KALRN: variants seen among roughly 807,000 people sequenced by gnomAD.
The protein encoded by KALRN is kalirin.
A neutral mutation model predicts 353.7 loss-of-function variants in KALRN; 70 were observed. The ratio of observed to expected loss-of-function variants is 0.20; its 90% CI spans 0.16 to 0.24. The LOEUF (loss-of-function observed/expected upper bound fraction) is 0.24. Ranked by LOEUF, KALRN falls within the 10% of genes least tolerant of loss-of-function variation. The pLI is 1.00. For missense variants in KALRN, 2,791 were observed against 3,756.7 expected (o/e 0.74, Z 6.72); for synonymous variants, 1,391 against 1,434.8 (o/e 0.97, Z 0.69).
At chr3:124,674,766 C>T in intron 49 of KALRN, 152 bp downstream of exon 49, 1 of 736,540 alleles carries the variant, frequency 1.4e-6, no homozygotes, top group Non-Finnish European at 2.0e-6. Flanking sequence ...AGTGCTGACA[C>T]CATATGCAAC....
chr3:124,106,720 C>T (rs1271078069), intron 1 of KALRN, among the ~76,000 whole-genome samples: 2 of 152,124 alleles, frequency 1.3e-5, no homozygotes, highest in South Asian at 2.1e-4. Flanking sequence ...ATTTTACTCC[C>T]CAAAGTCATA....
chr3:124,375,122 G>A (rs961677837), intron 10 of KALRN, among the ~76,000 whole-genome samples: 1 of 152,132 alleles, frequency 6.6e-6, no homozygotes, highest in Non-Finnish European at 1.5e-5. Context: ...GGAAGGGAGA[G>A]GGTGACCAGA....
At chr3:124,067,526 A>G (rs539219106) in intron 1 of KALRN, among the ~76,000 whole-genome samples, 1 of 152,320 alleles carries the variant, frequency 6.6e-6, no homozygotes, top group South Asian at 2.1e-4. Context: ...AACAAACAAA[A>G]AAAAACCACA....
Position 124,033,591 on chromosome 3 carries a change from G to T in KALRN, c.-150G>T, listed in dbSNP as rs558371828. The stretch of plus-strand genomic sequence containing the variant: ...GCTCAGCGTCCTCTGCCCCAGCCCC[G>T]CCGCCCAACGCCCGCCCTCGAAGCT... On this transcript the variant is annotated 5_prime_UTR_variant, in exon 1 of 60. Coordinates refer to ENST00000682506, the MANE Select transcript of KALRN (RefSeq NM_001388419.1). This position sits in a 1 kb window ranked among gnomAD's most constrained non-coding sequence, Gnocchi z 6.2. Among the ~76,000 whole-genome samples, 47 of 151,526 alleles carry T rather than the reference G, an allele frequency of 3.1e-4. No individual in the cohort carries two copies. In the East Asian group the frequency reaches 9.3e-3, roughly 30 times the overall value.
chr3:124,607,196 TG>T (rs1229281212), intron 34 of KALRN, among the ~76,000 whole-genome samples: 2 of 152,254 alleles, frequency 1.3e-5, no homozygotes, highest in Non-Finnish European at 2.9e-5. Context: ...AATTTTACAG[TG>T]GTGTGGTATT....
At chr3:124,465,205 A>G (rs1325583184) in intron 25 of KALRN, among the ~76,000 whole-genome samples, 1 of 152,060 alleles carries the variant, frequency 6.6e-6, no homozygotes, top group Non-Finnish European at 1.5e-5. Flanking sequence ...TTGATTAATG[A>G]AGAAAACATA....
At chr3:124,362,220 C>A (rs1314722244) in intron 10 of KALRN, among the ~76,000 whole-genome samples, 1 of 152,234 alleles carries the variant, frequency 6.6e-6, no homozygotes. Flanking sequence ...ACATCACCAA[C>A]AAGAGCAACC....
intron 7 of KALRN, among the ~76,000 whole-genome samples, chr3:124,329,062 T>A (rs531204286): frequency 3.3e-5 from 5 of 152,380 alleles, no homozygotes; most frequent in South Asian, 2.1e-4. Context: ...GACAGAACGA[T>A]TCCAGACTGT....
At position 124,606,665 on chromosome 3, in the gene KALRN, T is replaced by C. The variant is rs374967840; in HGVS notation, c.5183-25755T>C. Reference sequence around the variant, plus strand: ...ATTTCAGAAGGATTTCAGGCAAATGTAAAGACACTATAAAGGAAGTTAAAA... The same window carrying C: ...ATTTCAGAAGGATTTCAGGCAAATGCAAAGACACTATAAAGGAAGTTAAAA... On this transcript the variant is annotated intron_variant, in intron 34 of 59. Transcript: ENST00000682506. Among the ~76,000 whole-genome samples the C allele has an allele frequency of 5.3e-4, 80 of 152,288 alleles. 1 individual carries two copies. The South Asian group carries it at 0.017, about 32-fold the overall frequency.
chr3:124,679,680 TAATTC>T (rs758971136), intron 51 of KALRN, 163 bp downstream of exon 51: 22 of 744,548 alleles, frequency 3.0e-5, no homozygotes, highest in African/African-American at 2.9e-4. Context: ...AACAAAAACA[TAATTC>T]AGTTCAGTGT....
intron 18 of KALRN, among the ~76,000 whole-genome samples, 161 bp downstream of exon 18, chr3:124,439,198 T>TCACACA (rs1220555173): frequency 1.1e-4 from 14 of 125,532 alleles, no homozygotes; most frequent in African/African-American, 4.6e-4. Flanking sequence ...TCTCTCTCTC[T>TCACACA]CTCACACACA....
At chr3:124,593,273 A>C (rs919188528) in intron 34 of KALRN, among the ~76,000 whole-genome samples, 4 of 152,224 alleles carry the variant, frequency 2.6e-5, no homozygotes, top group Non-Finnish European at 5.9e-5. Context: ...ATATCTGTGC[A>C]GTGCTCCTTC....
intron 1 of KALRN, among the ~76,000 whole-genome samples, chr3:124,144,424 G>T (rs2067021614): frequency 1.3e-5 from 2 of 151,976 alleles, no homozygotes; most frequent in Admixed American, 6.5e-5. Flanking sequence ...CCTGCCCACA[G>T]TGGGCAGCTA....
intron 33 of KALRN, among the ~76,000 whole-genome samples, chr3:124,530,744 T>C (rs1248278139): frequency 1.3e-5 from 2 of 152,146 alleles, no homozygotes; most frequent in African/African-American, 2.4e-5. Context: ...TCGGCTATAA[T>C]TGCATTCAGT....
chr3:124,164,443 G>C (rs1416827726), intron 1 of KALRN: 4 of 152,212 alleles, frequency 2.6e-5, no homozygotes, highest in Non-Finnish European at 5.9e-5. Context: ...CCACTCTTCT[G>C]TGTCTGTTGC....
At position 124,446,829 on chromosome 3, in the gene KALRN, A is replaced by T; in HGVS notation, c.3496A>T (p.Thr1166Ser). ...LSTHTSTGET[T>S]EETQELLKEY... Reference sequence around the variant, plus strand: ...AACACATACCTCCACTGGAGAGACCACAGAGGAGACTCAGGAACTGCTGAA... The same window carrying T: ...AACACATACCTCCACTGGAGAGACCTCAGAGGAGACTCAGGAACTGCTGAA... Residue 1166 changes from threonine to serine, a missense_variant, in exon 21 of 60, where the codon ACA (threonine) becomes TCA (serine). Physicochemically the swap from Thr to Ser is moderately conservative, Grantham distance 58. Coordinates refer to ENST00000682506, the MANE Select transcript of KALRN (RefSeq NM_001388419.1). 1 of 1,613,922 alleles carries T rather than the reference A, an allele frequency of 6.2e-7. No homozygotes were observed. Among genetic ancestry groups the T allele is most frequent in the Non-Finnish European group, 8.5e-7 (1 of 1,179,826 alleles).
At chr3:124,638,274 A>C (rs894953921) in intron 37 of KALRN, among the ~76,000 whole-genome samples, 1 of 152,070 alleles carries the variant, frequency 6.6e-6, no homozygotes, top group African/African-American at 2.4e-5. Context: ...AGCATATACT[A>C]TATGAATGAG....
At chr3:124,546,475 T>G (rs1255936147) in intron 33 of KALRN, among the ~76,000 whole-genome samples, 1 of 149,008 alleles carries the variant, frequency 6.7e-6, no homozygotes, top group Admixed American at 6.8e-5. Context: ...ATAAAAAGAG[T>G]GAGAGAGAGA....
chr3:124,039,002 C>T (rs891130629), intron 1 of KALRN, among the ~76,000 whole-genome samples: 5 of 152,246 alleles, frequency 3.3e-5, no homozygotes, highest in African/African-American at 1.2e-4. Flanking sequence ...ATTCTCATCC[C>T]TTGGAAGCTG....
Sources: allele counts gnomAD v4.1 joint callset (sites outside exome capture counted in the v4.1 genomes callset), GRCh38; gene constraint gnomAD v4.1.1; non-coding constraint Gnocchi (gnomAD v3.1); transcripts MANE v1.5; gene names NCBI Gene and HGNC (gene_info 2026-07-23, HGNC 2026-07-21).